Variants in RTN4RL1 observed in about 807,000 individuals in gnomAD.
RTN4RL1 encodes reticulon-4 receptor-like 1.
In RTN4RL1, 7 loss-of-function variants were observed where a neutral mutation model predicts 25.6. The ratio of observed to expected loss-of-function variants is 0.27; its 90% CI spans 0.16 to 0.51. RTN4RL1 has a LOEUF of 0.51. Ranked by LOEUF, RTN4RL1 falls within the 20% of genes least tolerant of loss-of-function variation. The pLI, the probability that RTN4RL1 is intolerant of heterozygous loss-of-function variation, is 0.97. For missense variants in RTN4RL1, 500 were observed against 615.6 expected, an observed-to-expected ratio of 0.81 and a Z score of 1.99; for synonymous variants, 297 against 288.2, an observed-to-expected ratio of 1.03 and a Z score of -0.31.
chr17:1,949,500 G>C (rs1196867894), intron 1 of RTN4RL1, among the ~76,000 whole-genome samples: 2 of 152,202 alleles, frequency 1.3e-5, no homozygotes, highest in Non-Finnish European at 2.9e-5. Flanking sequence ...GGTGCAGAAC[G>C]CCCTGCCAGG....
At chr17:2,014,701 G>A (rs1450008186) in intron 1 of RTN4RL1, among the ~76,000 whole-genome samples, 1 of 152,072 alleles carries the variant, frequency 6.6e-6, no homozygotes, top group Non-Finnish European at 1.5e-5. Flanking sequence ...GTGTGGTGGT[G>A]TGCACCTGTA....
At chr17:2,021,314 A>G (rs1181011378) in intron 1 of RTN4RL1, among the ~76,000 whole-genome samples, 1 of 152,008 alleles carries the variant, frequency 6.6e-6, no homozygotes, top group African/African-American at 2.4e-5. Context: ...TGCACCCCTC[A>G]CTGCATAGGG....
chr17:1,972,563 T>C (rs1273107348), intron 1 of RTN4RL1, among the ~76,000 whole-genome samples: 2 of 152,142 alleles, frequency 1.3e-5, no homozygotes, highest in African/African-American at 4.8e-5. Context: ...CTCTACCCTC[T>C]GTCTCCACCC....
chr17:1,936,539 G>T lies in RTN4RL1; in HGVS notation c.1283C>A (p.Ser428Tyr). 1 of 1,553,470 alleles carries T rather than the reference G, an allele frequency of 6.4e-7. No individual in the cohort carries two copies. ...QASSASSLGA[S>Y]LLAWTLGLAV... ...CAGCCCCAGTGTCCAGGCCAGGAGG[G>T]AGGCCCCCAGGGAACTGGCCGAGGA... Residue 428 changes from serine to tyrosine, a missense_variant, in exon 2 of 2, where the codon TCC becomes TAC. By Grantham distance (144) the Ser-to-Tyr change is moderately radical. Around this residue, in one of 2 missense-constraint regions of RTN4RL1, gnomAD observed 268 missense variants for 274.5 expected, o/e 0.98. Transcript: ENST00000331238.
At chr17:2,022,319 A>C (rs2067218795) in intron 1 of RTN4RL1, among the ~76,000 whole-genome samples, 1 of 151,922 alleles carries the variant, frequency 6.6e-6, no homozygotes, top group Non-Finnish European at 1.5e-5. Context: ...CTGTCTCAAA[A>C]AAAATTTTTT....
At chr17:1,958,937 A>G (rs1278068615) in intron 1 of RTN4RL1, among the ~76,000 whole-genome samples, 1 of 152,272 alleles carries the variant, frequency 6.6e-6, no homozygotes, top group Non-Finnish European at 1.5e-5. Flanking sequence ...CCACCTGCTC[A>G]AAATCTGATC....
chr17:1,961,166 T>A (rs1309875825), intron 1 of RTN4RL1, among the ~76,000 whole-genome samples: 3 of 152,020 alleles, frequency 2.0e-5, no homozygotes, highest in Admixed American at 2.0e-4. Flanking sequence ...TATCAAGCAC[T>A]CGGATGAAGC....
intron 1 of RTN4RL1, among the ~76,000 whole-genome samples, chr17:2,016,330 A>G (rs971710905): frequency 6.6e-6 from 1 of 152,162 alleles, no homozygotes; most frequent in African/African-American, 2.4e-5. Flanking sequence ...GCAGTGAGCC[A>G]AGATCACACC....
chr17:1,999,139 T>TACACACACA (rs1230770315), intron 1 of RTN4RL1, among the ~76,000 whole-genome samples: 32 of 82,994 alleles, frequency 3.9e-4, no homozygotes, highest in African/African-American at 2.1e-3. Context: ...TGTGTGCTCA[T>TACACACACA]CATACACACA....
intron 1 of RTN4RL1, among the ~76,000 whole-genome samples, chr17:1,982,154 A>G (rs1472157461): frequency 6.6e-6 from 1 of 152,114 alleles, no homozygotes; most frequent in African/African-American, 2.4e-5. Flanking sequence ...TACAAAAATT[A>G]GCTGGGCGTG....
intron 1 of RTN4RL1, among the ~76,000 whole-genome samples, chr17:1,972,449 C>T (rs2066824629): frequency 6.6e-6 from 1 of 152,084 alleles, no homozygotes; most frequent in Admixed American, 6.5e-5. Flanking sequence ...TAACTCTGTG[C>T]CCCCTCTTAG....
chr17:2,017,437 C>A (rs991367072), intron 1 of RTN4RL1, among the ~76,000 whole-genome samples: 1 of 152,230 alleles, frequency 6.6e-6, no homozygotes. Flanking sequence ...GAGCCACACA[C>A]CCACTCAGCA....
chr17:2,024,194 G>T (rs2067245738), intron 1 of RTN4RL1, among the ~76,000 whole-genome samples: 1 of 152,214 alleles, frequency 6.6e-6, no homozygotes, highest in South Asian at 2.1e-4. Context: ...CTGTCCTCAA[G>T]TTGAGCTGTG....
At chr17:1,979,687 G>A (rs747017992) in intron 1 of RTN4RL1, among the ~76,000 whole-genome samples, 2 of 152,132 alleles carry the variant, frequency 1.3e-5, no homozygotes, top group Non-Finnish European at 2.9e-5. Context: ...CAATCACTGC[G>A]CACCTGCTAT....
intron 1 of RTN4RL1, among the ~76,000 whole-genome samples, chr17:2,021,148 G>A (rs1285232552): frequency 6.6e-6 from 1 of 152,176 alleles, no homozygotes; most frequent in Non-Finnish European, 1.5e-5. Context: ...GTGGCCAGTA[G>A]AGTCCTTTCA....
chr17:2,024,146 G>A (rs986558959), intron 1 of RTN4RL1, among the ~76,000 whole-genome samples: 2 of 152,196 alleles, frequency 1.3e-5, no homozygotes, highest in African/African-American at 4.8e-5. Context: ...ACCGGGCCGG[G>A]CTGCTGGGGC....
intron 1 of RTN4RL1, among the ~76,000 whole-genome samples, chr17:1,965,820 C>T (rs545808514): frequency 2.0e-5 from 3 of 152,300 alleles, no homozygotes; most frequent in South Asian, 2.1e-4. Flanking sequence ...CAGGACTCTC[C>T]GCCCTCGTCT....
chr17:1,954,759 G>C (rs1020055620), intron 1 of RTN4RL1, among the ~76,000 whole-genome samples: 2 of 152,202 alleles, frequency 1.3e-5, no homozygotes, highest in Admixed American at 6.5e-5. Flanking sequence ...CTGGTACATA[G>C]AGGTCATCCT....
chr17:2,020,967 T>A (rs2067193377), intron 1 of RTN4RL1, among the ~76,000 whole-genome samples: 1 of 152,210 alleles, frequency 6.6e-6, no homozygotes, highest in Non-Finnish European at 1.5e-5. Flanking sequence ...GGGCCTCGCT[T>A]GCCCTGCTGC....
Sources: gnomAD v4.1 joint callset for allele counts (sites outside exome capture counted in the v4.1 genomes callset) on GRCh38, gnomAD v4.1.1 for gene constraint, gnomAD v4.1.1 regional missense constraint, MANE v1.5 for transcripts, NCBI Gene and HGNC (gene_info 2026-07-23, HGNC 2026-07-21) for gene names.